UACA: variants seen among roughly 807,000 people sequenced by gnomAD.
UACA encodes the protein uveal autoantigen with coiled-coil domains and ankyrin repeats.
In UACA, 112 loss-of-function variants were observed where a neutral mutation model predicts 160.5. The observed-to-expected ratio is 0.70, with a 90% CI of 0.60 to 0.82. UACA has a LOEUF of 0.82. Ranked by LOEUF, UACA falls within the 40% of genes least tolerant of loss-of-function variation. The pLI, the probability that UACA is intolerant of heterozygous loss-of-function variation, is 0.00. For missense variants in UACA, 1,574 were observed against 1,614.6 expected (o/e 0.97, Z 0.43); for synonymous variants, 557 against 568.4 (o/e 0.98, Z 0.29).
intron 9 of UACA, 27 bp downstream of exon 9, chr15:70,682,731 T>G (rs760451349): frequency 7.0e-7 from 1 of 1,435,440 alleles, no homozygotes; most frequent in Non-Finnish European, 9.4e-7. Flanking sequence ...ATACATATAA[T>G]TATTTAAAAT....
At chr15:70,765,080 G>A (rs186606964), upstream of UACA, among the ~76,000 whole-genome samples, 1 of 152,136 alleles carries the variant, frequency 6.6e-6, no homozygotes, top group Admixed American at 6.6e-5. Flanking sequence ...GCTGTATAAC[G>A]TGGACGCGAC....
chr15:70,729,744 A>C (rs1362739881), intron 1 of UACA, among the ~76,000 whole-genome samples: 1 of 142,744 alleles, frequency 7.0e-6, no homozygotes, highest in East Asian at 2.0e-4. Flanking sequence ...CTGCATTTCC[A>C]TCTGAGCTTT....
chr15:70,692,830 G>A (rs1254850460), intron 3 of UACA, among the ~76,000 whole-genome samples: 1 of 152,142 alleles, frequency 6.6e-6, no homozygotes, highest in Non-Finnish European at 1.5e-5. Context: ...TGCTAGAAGA[G>A]TAATTTATGT....
chr15:70,695,590 A>G (rs1214135775), intron 2 of UACA, among the ~76,000 whole-genome samples: 3 of 152,168 alleles, frequency 2.0e-5, no homozygotes, highest in Non-Finnish European at 4.4e-5. Context: ...AGCCTTCAAA[A>G]CAACAAGCTA....
chr15:70,767,275 AC>A (rs796920668), upstream of UACA, among the ~76,000 whole-genome samples: 60 of 118,766 alleles, frequency 5.1e-4, 2 homozygotes, highest in African/African-American at 1.1e-3. Context: ...AAAAACAAAA[AC>A]AACAACAATA....
At chr15:70,735,642 A>C (rs568975724) in intron 1 of UACA, among the ~76,000 whole-genome samples, 20 of 152,100 alleles carry the variant, frequency 1.3e-4, no homozygotes, top group Middle Eastern at 3.4e-3. Context: ...CCAAATAATA[A>C]TTTACAATTT....
chr15:70,778,256 C>T, the UACA span, among the ~76,000 whole-genome samples: 2 of 152,060 alleles, frequency 1.3e-5, no homozygotes, highest in Admixed American at 1.3e-4. Flanking sequence ...ACTTTACATG[C>T]CCATAGGCTA....
intron 13 of UACA, among the ~76,000 whole-genome samples, chr15:70,673,348 T>C (rs768625432): frequency 6.6e-6 from 1 of 152,178 alleles, no homozygotes; most frequent in Non-Finnish European, 1.5e-5. Flanking sequence ...TAGTTCATAT[T>C]TGTATATTTA....
At chr15:70,672,022 T>C in intron 13 of UACA, 21 bp from the exon 14 acceptor site, 2 of 1,581,662 alleles carry the variant, frequency 1.3e-6, no homozygotes, top group East Asian at 2.3e-5. Context: ...AAGCATAAAA[T>C]ATTTTAGGGT....
intron 16 of UACA, 41 bp from the exon 17 acceptor site, chr15:70,664,855 T>C (rs777518881): frequency 1.2e-5 from 18 of 1,549,728 alleles, no homozygotes; most frequent in Non-Finnish European, 1.3e-5. Flanking sequence ...TATTCACTTA[T>C]CATGTACAAT....
At chr15:70,700,795 A>T (rs1898330649) in intron 1 of UACA, among the ~76,000 whole-genome samples, 1 of 152,056 alleles carries the variant, frequency 6.6e-6, no homozygotes, top group Non-Finnish European at 1.5e-5. Flanking sequence ...ATTCTGTGCT[A>T]AATCCAGTAT....
At chr15:70,759,999 C>T (rs936272082) in intron 1 of UACA, among the ~76,000 whole-genome samples, 2 of 152,178 alleles carry the variant, frequency 1.3e-5, no homozygotes, top group African/African-American at 4.8e-5. Context: ...CAGTCTACTG[C>T]TGTGTCTTCT....
the UACA span, among the ~76,000 whole-genome samples, chr15:70,776,978 AGCAGGGTATCATAAGG>A: frequency 3.3e-5 from 5 of 152,192 alleles, no homozygotes; most frequent in Non-Finnish European, 7.3e-5. Flanking sequence ...TGTAGTGCCT[AGCAGGGTATCATAAGG>A]GCTCAGGCCT....
intron 16 of UACA, among the ~76,000 whole-genome samples, chr15:70,666,103 G>A (rs1258796261): frequency 6.6e-6 from 1 of 152,142 alleles, no homozygotes; most frequent in Non-Finnish European, 1.5e-5. Flanking sequence ...TTAAATGGAT[G>A]GCAAAGCCAC....
At chr15:70,695,600 A>G (rs1898100566) in intron 2 of UACA, among the ~76,000 whole-genome samples, 1 of 152,208 alleles carries the variant, frequency 6.6e-6, no homozygotes, top group Non-Finnish European at 1.5e-5. Flanking sequence ...ACAACAAGCT[A>G]AACTACCCTT....
intron 1 of UACA, chr15:70,754,042 G>C (rs1233144330): frequency 2.2e-6 from 1 of 448,264 alleles, no homozygotes; most frequent in African/African-American, 2.0e-5. Context: ...CTGACCTCAA[G>C]TGATCCGCCC....
chr15:70,691,447 C>T, intron 3 of UACA, 84 bp from the exon 4 acceptor site: 1 of 1,014,320 alleles, frequency 9.9e-7, no homozygotes, highest in Non-Finnish European at 1.5e-6. Context: ...ATTCTTTTTT[C>T]CCAAAACTAG....
the UACA span, among the ~76,000 whole-genome samples, chr15:70,772,142 G>C: frequency 1.3e-5 from 2 of 152,156 alleles, no homozygotes; most frequent in South Asian, 4.1e-4. Context: ...TCTAGAAATA[G>C]AGCTGCCTCA....
rs1170605419 is a variant in UACA at position 70,706,156 on chromosome 15, T to A, written c.79-6496A>T. 2.6e-5 allele frequency among the ~76,000 whole-genome samples: 4 copies of A among 152,150 alleles called. No homozygotes were observed. In the South Asian group the frequency reaches 8.3e-4, roughly 32 times the overall value. On this transcript the variant is annotated intron_variant, in intron 1 of 18. Coordinates refer to ENST00000322954, the MANE Select transcript of UACA (RefSeq NM_018003.4). ...AATTCATTGTAATATACCACCTTAA[T>A]AGAATAAAGGACAAAAATCACAATG...
Sources: allele counts gnomAD v4.1 joint callset (sites outside exome capture counted in the v4.1 genomes callset), GRCh38; gene constraint gnomAD v4.1.1; transcripts MANE v1.5; gene names NCBI Gene and HGNC (gene_info 2026-07-23, HGNC 2026-07-21).